PDE4D: variants seen among roughly 807,000 people sequenced by gnomAD.
The protein encoded by PDE4D is phosphodiesterase 4D, also known as 3',5'-cyclic-AMP phosphodiesterase 4D.
PDE4D carries 24 observed loss-of-function variants against 87.4 expected under a neutral mutation model. That is an observed-to-expected ratio of 0.27 (90% CI 0.20 to 0.39). PDE4D has a LOEUF of 0.39. Ranked by LOEUF, PDE4D falls within the 10% of genes least tolerant of loss-of-function variation. PDE4D has a pLI of 1.00. For missense variants in PDE4D, 714 were observed against 1,041.0 expected (o/e 0.69, Z 4.32); for synonymous variants, 384 against 383.2 (o/e 1.00, Z -0.02).
chr5:59,878,846 A>C (rs1211572815), intron 1 of PDE4D, among the ~76,000 whole-genome samples: 1 of 144,950 alleles, frequency 6.9e-6, no homozygotes, highest in Non-Finnish European at 1.5e-5. Context: ...TCACACCTTT[A>C]ATTTCTTCCC....
At chr5:59,637,991 T>C (rs1740884266) in intron 1 of PDE4D, among the ~76,000 whole-genome samples, 1 of 152,198 alleles carries the variant, frequency 6.6e-6, no homozygotes, top group Non-Finnish European at 1.5e-5. Flanking sequence ...ATTTTCCAAA[T>C]TCTCCACTAA....
intron 1 of PDE4D, among the ~76,000 whole-genome samples, chr5:59,256,676 T>A (rs1392820777): frequency 6.6e-6 from 1 of 152,086 alleles, no homozygotes; most frequent in African/African-American, 2.4e-5. Context: ...CTCCTTTTCC[T>A]TCCCTCCACT....
At chr5:59,955,237 G>A (rs1348971224) in intron 3 of PDE4D, among the ~76,000 whole-genome samples, 1 of 152,124 alleles carries the variant, frequency 6.6e-6, no homozygotes, top group Admixed American at 6.6e-5. Flanking sequence ...TCATGTGCAT[G>A]CACATTTTCA....
At chr5:59,048,996 G>A (rs535647087) in intron 5 of PDE4D, among the ~76,000 whole-genome samples, 1 of 152,230 alleles carries the variant, frequency 6.6e-6, no homozygotes, top group Admixed American at 6.5e-5. Context: ...AGAACCTGCT[G>A]CACAACTCTC....
chr5:59,912,184 G>A (rs1478798570), intron 3 of PDE4D, among the ~76,000 whole-genome samples: 1 of 152,112 alleles, frequency 6.6e-6, no homozygotes, highest in Admixed American at 6.6e-5. Context: ...TTTGTTATCT[G>A]CTCCTTCCAT....
intron 1 of PDE4D, among the ~76,000 whole-genome samples, chr5:59,515,563 A>T (rs1811012114): frequency 6.6e-6 from 1 of 152,242 alleles, no homozygotes; most frequent in Non-Finnish European, 1.5e-5. Context: ...GAATCAGAAG[A>T]AACATCATTA....
intron 1 of PDE4D, among the ~76,000 whole-genome samples, chr5:59,783,957 C>T (rs1581091449): frequency 6.6e-6 from 1 of 152,062 alleles, no homozygotes; most frequent in African/African-American, 2.4e-5. Context: ...ATTTGGGAGG[C>T]TGAGGTGGGA....
intron 1 of PDE4D, among the ~76,000 whole-genome samples, chr5:59,846,166 T>C (rs1035623731): frequency 1.4e-4 from 22 of 152,064 alleles, no homozygotes; most frequent in African/African-American, 5.1e-4. Context: ...CTAGATTATA[T>C]GCAAAACTGC....
At chr5:59,886,161 A>C (rs1199997275) in intron 1 of PDE4D, among the ~76,000 whole-genome samples, 1 of 152,242 alleles carries the variant, frequency 6.6e-6, no homozygotes, top group African/African-American at 2.4e-5. Flanking sequence ...GTCCTAACAT[A>C]CCTAATGGGG....
chr5:60,012,857 A>T (rs1435599146), intron 2 of PDE4D, among the ~76,000 whole-genome samples: 1 of 152,186 alleles, frequency 6.6e-6, no homozygotes, highest in South Asian at 2.1e-4. Flanking sequence ...CTGCCATCGT[A>T]TTCTAACCAG....
At chr5:60,304,333 G>C (rs933121394) in intron 1 of PDE4D, among the ~76,000 whole-genome samples, 2 of 152,192 alleles carry the variant, frequency 1.3e-5, no homozygotes, top group African/African-American at 4.8e-5. Context: ...TGCAGAGGTA[G>C]AGCCTTTGGT....
At chr5:60,319,295 C>T (rs1423982001) in intron 1 of PDE4D, among the ~76,000 whole-genome samples, 1 of 152,184 alleles carries the variant, frequency 6.6e-6, no homozygotes, top group Non-Finnish European at 1.5e-5. Context: ...GAGGCTTGTG[C>T]ATTGGTCACG....
At chr5:59,883,579 GA>G (rs1289742486) in intron 1 of PDE4D, among the ~76,000 whole-genome samples, 3 of 152,114 alleles carry the variant, frequency 2.0e-5, no homozygotes, top group Non-Finnish European at 4.4e-5. Context: ...ATGAAGTATA[GA>G]AAAAATGTTG....
intron 1 of PDE4D, among the ~76,000 whole-genome samples, chr5:59,705,647 T>A (rs1349259852): frequency 1.3e-5 from 2 of 152,214 alleles, no homozygotes; most frequent in African/African-American, 2.4e-5. Context: ...AGACCTTTCC[T>A]GCTAATGTGC....
At chr5:59,967,648 G>T (rs1315682729) in intron 3 of PDE4D, among the ~76,000 whole-genome samples, 2 of 152,088 alleles carry the variant, frequency 1.3e-5, no homozygotes, top group Non-Finnish European at 2.9e-5. Context: ...ACCATTGGTG[G>T]GAATGTAAAT....
At chr5:60,508,684 T>C (rs1750427327) in intron 1 of PDE4D, among the ~76,000 whole-genome samples, 1 of 152,322 alleles carries the variant, frequency 6.6e-6, no homozygotes, top group Non-Finnish European at 1.5e-5. Flanking sequence ...TAAGATCAGG[T>C]TTCTGCAAGT....
At chr5:59,016,434 T>C (rs1029768843) in intron 6 of PDE4D, among the ~76,000 whole-genome samples, 1 of 144,468 alleles carries the variant, frequency 6.9e-6, no homozygotes, top group Non-Finnish European at 1.5e-5. Context: ...AGGAATCTGC[T>C]GCCTCACGGT....
chr5:59,145,011 T>A (rs976955855), intron 5 of PDE4D, among the ~76,000 whole-genome samples: 2 of 151,842 alleles, frequency 1.3e-5, no homozygotes, highest in Admixed American at 6.6e-5. Context: ...CCATGAAAAG[T>A]AAGTTTGAAA....
intron 2 of PDE4D, among the ~76,000 whole-genome samples, chr5:59,996,170 T>C (rs1277508253): frequency 6.6e-6 from 1 of 152,196 alleles, no homozygotes; most frequent in African/African-American, 2.4e-5. Context: ...AATGAAGGAT[T>C]TCAGACACTC....
Sources: gnomAD v4.1 joint callset for allele counts (sites outside exome capture counted in the v4.1 genomes callset) on GRCh38, gnomAD v4.1.1 for gene constraint, MANE v1.5 for transcripts, NCBI Gene and HGNC (gene_info 2026-07-23, HGNC 2026-07-21) for gene names.